Variants in MAPKAPK3 observed in about 807,000 individuals in gnomAD.
The protein encoded by MAPKAPK3 is MAPK activated protein kinase 3, also known as MAP kinase-activated protein kinase 3.
A neutral mutation model predicts 49.2 loss-of-function variants in MAPKAPK3; 35 were observed. The observed-to-expected ratio is 0.71, with a 90% CI of 0.54 to 0.94. The LOEUF (loss-of-function observed/expected upper bound fraction) is 0.94. Among genes scored for constraint, MAPKAPK3 ranks in the 40% least tolerant of loss-of-function variants. The pLI is 0.00. For synonymous variants in MAPKAPK3, 178 were observed against 188.7 expected (o/e 0.94, Z 0.46); for missense variants, 398 against 493.1 (o/e 0.81, Z 1.83).
chr3:50,626,089 T>A (rs1331567472), intron 2 of MAPKAPK3, among the ~76,000 whole-genome samples: 1 of 138,670 alleles, frequency 7.2e-6, no homozygotes, highest in Non-Finnish European at 1.6e-5. Context: ...CACCCCCCCA[T>A]GGCTTGTGTG....
chr3:50,640,911 G>C (rs1313458586), intron 3 of MAPKAPK3, among the ~76,000 whole-genome samples: 1 of 152,164 alleles, frequency 6.6e-6, no homozygotes. Flanking sequence ...CCAGGAACTG[G>C]GTGCTTGGGG....
intron 2 of MAPKAPK3, among the ~76,000 whole-genome samples, chr3:50,639,040 C>G (rs2033110321): frequency 1.3e-5 from 2 of 152,314 alleles, no homozygotes; most frequent in Admixed American, 6.5e-5. Flanking sequence ...TTCTTCTCCC[C>G]CTACAGCAGG....
chr3:50,612,019 G>A (rs1263889354), exon 1 of MAPKAPK3: 2 of 266,340 alleles, frequency 7.5e-6, no homozygotes, highest in African/African-American at 4.4e-5. Flanking sequence ...CCAGGAAAAC[G>A]GGGCGGGGCC....
chr3:50,616,807 A>C (rs931072622), upstream of MAPKAPK3, among the ~76,000 whole-genome samples: 5 of 152,092 alleles, frequency 3.3e-5, no homozygotes, highest in Admixed American at 3.3e-4. Context: ...CGTGCAGAGC[A>C]AACACCCGAC....
At chr3:50,626,462 G>T (rs2107579889) in intron 2 of MAPKAPK3, among the ~76,000 whole-genome samples, 1 of 152,246 alleles carries the variant, frequency 6.6e-6, no homozygotes, top group East Asian at 1.9e-4. Flanking sequence ...CTACATTCAG[G>T]GGCCTGAGGG....
chr3:50,644,417 C>G lies in MAPKAPK3; in HGVS notation c.513C>G (p.Asn171Lys). 1 of 1,614,168 alleles carries G rather than the reference C, an allele frequency of 6.2e-7. No individual in the cohort carries two copies. The highest frequency in any genetic ancestry group is 1.7e-5 in the Admixed American group (1 of 60,028). The stretch of plus-strand genomic sequence containing the variant: ...TTCTCTTTCTGGCCCAGCCTGAAAA[C>G]CTACTCTACACATCTAAGGAGAAAG... ...NIAHRDVKPE[N>K]LLYTSKEKDA... Residue 171 changes from asparagine (N) to lysine (K), a missense_variant, in exon 6 of 11, where the codon AAC becomes AAG. Asn to Lys is a moderately conservative substitution (Grantham distance 94). Coordinates refer to ENST00000621469, the MANE Select transcript of MAPKAPK3 (RefSeq NM_001243925.2).
chr3:50,630,642 G>A (rs1425303556), intron 2 of MAPKAPK3, among the ~76,000 whole-genome samples: 1 of 152,264 alleles, frequency 6.6e-6, no homozygotes, highest in Non-Finnish European at 1.5e-5. Context: ...CGTGGGCCAA[G>A]CTCTCGGAAG....
chr3:50,638,045 G>C (rs1424030802), intron 2 of MAPKAPK3, among the ~76,000 whole-genome samples: 12 of 152,326 alleles, frequency 7.9e-5, no homozygotes, highest in Non-Finnish European at 1.0e-4. Context: ...AGAGTCATAA[G>C]GGGAGAGGCA....
intron 2 of MAPKAPK3, 97 bp from the exon 3 acceptor site, chr3:50,640,269 G>C: frequency 8.3e-7 from 1 of 1,208,318 alleles, no homozygotes; most frequent in Non-Finnish European, 1.2e-6. Flanking sequence ...TGTGTGACCT[G>C]GGGCAGGTCA....
chr3:50,634,301 C>CTG (rs141415274), intron 2 of MAPKAPK3, among the ~76,000 whole-genome samples: 2 of 150,920 alleles, frequency 1.3e-5, no homozygotes, highest in Non-Finnish European at 3.0e-5. Flanking sequence ...ATGTGTACGT[C>CTG]TGTGTGTGTG....
At chr3:50,614,541 G>T (rs1003262974), upstream of MAPKAPK3, among the ~76,000 whole-genome samples, 2 of 149,366 alleles carry the variant, frequency 1.3e-5, no homozygotes, top group Non-Finnish European at 3.0e-5. Flanking sequence ...GTGTGTGTGT[G>T]TAGGATTTAG....
At chr3:50,644,643 G>C in intron 6 of MAPKAPK3, 111 bp downstream of exon 6, 1 of 1,190,060 alleles carries the variant, frequency 8.4e-7, no homozygotes, top group Non-Finnish European at 1.2e-6. Context: ...CAAGGAGGGA[G>C]GGGGAGAATT....
chr3:50,644,478 A>G lies in MAPKAPK3; in HGVS notation c.574A>G (p.Lys192Glu). 1 of 1,614,190 alleles carries G rather than the reference A, an allele frequency of 6.2e-7. No homozygotes were observed. The highest frequency in any genetic ancestry group is 8.5e-7 in the Non-Finnish European group (1 of 1,180,006). Residue 192 changes from lysine to glutamate, a missense_variant, in exon 6 of 11, where the codon AAG (lysine) becomes GAG (glutamate). Coordinates refer to ENST00000621469, the MANE Select transcript of MAPKAPK3 (RefSeq NM_001243925.2). ...TAAGCTCACCGATTTTGGCTTTGCT[A>G]AGGAGACCACCCAAAATGCCCTGCA... ...VLKLTDFGFAKETTQNALQTP... is the reference protein window; with the variant it reads ...VLKLTDFGFAEETTQNALQTP...
intron 2 of MAPKAPK3, among the ~76,000 whole-genome samples, chr3:50,635,196 G>A (rs903067232): frequency 3.5e-4 from 53 of 152,140 alleles, no homozygotes; most frequent in African/African-American, 1.2e-3. Context: ...AGAATAGTGT[G>A]GAGTCATGTA....
rs1432149629 is a variant in MAPKAPK3 at position 50,647,963 on chromosome 3, A to T, written c.1066A>T (p.Thr356Ser). 2 of 1,613,830 alleles carry T rather than the reference A, an allele frequency of 1.2e-6. No homozygotes were observed. Among genetic ancestry groups the T allele is most frequent in the Admixed American group, 3.3e-5 (2 of 60,004 alleles). ...YDQVKIKDLK[T>S]SNNRLLNKRR... ...CCAGGTGAAGATCAAGGACCTGAAG[A>T]CCTCTAACAACCGGCTCCTCAACAA... The change falls in exon 11 of 11, where the codon ACC becomes TCC. Residue 356 changes from threonine to serine, a missense_variant. Physicochemically the swap from Thr to Ser is moderately conservative, Grantham distance 58 (BLOSUM62 1). Transcript: ENST00000621469.
At chr3:50,635,406 C>CTTTTTTTTTTTTTT (rs386396609) in intron 2 of MAPKAPK3, among the ~76,000 whole-genome samples, 1 of 48,580 alleles carries the variant, frequency 2.1e-5, no homozygotes, top group African/African-American at 9.4e-5. Context: ...TCAATTTAAT[C>CTTTTTTTTTTTTTT]TTTTTTTTTT....
rs148878106 is a variant in MAPKAPK3, at chr3:50,646,440, A to T, written c.829+176A>T. On this transcript the variant is annotated intron_variant, in intron 8 of 10. Coordinates refer to ENST00000621469, the MANE Select transcript of MAPKAPK3 (RefSeq NM_001243925.2). ...TTGAGCCTCAGTTTCTACATCTGCC[A>T]AACAGGCTCAAAACTTGCCTCCTCA... Among the ~76,000 whole-genome samples, 122 of 152,310 alleles carry T rather than the reference A, an allele frequency of 8.0e-4. No individual in the cohort carries two copies. The highest frequency in any genetic ancestry group is 2.6e-3 in the Admixed American group (40 of 15,310).
At position 50,645,834 on chromosome 3, in the gene MAPKAPK3, C is replaced by T. The variant is rs774560348; in HGVS notation, c.704+49C>T. ...CCTCCATCTCCTGCCCTTACCCCCACTGTGAGCCCTCAGGACCACTTCTGT... is the reference window on the plus strand; with the variant it reads ...CCTCCATCTCCTGCCCTTACCCCCATTGTGAGCCCTCAGGACCACTTCTGT... On this transcript the variant is annotated intron_variant, in intron 7 of 10. Transcript: ENST00000621469. 1.9e-6 allele frequency: 3 copies of T among 1,563,182 alleles called. No individual in the cohort carries two copies. The Admixed American group carries it at 5.0e-5, about 26-fold the overall frequency.
intron 2 of MAPKAPK3, among the ~76,000 whole-genome samples, chr3:50,627,660 T>C (rs1182936752): frequency 6.6e-6 from 1 of 152,112 alleles, no homozygotes; most frequent in Non-Finnish European, 1.5e-5. Context: ...GCAGTGTCCC[T>C]CAGAGCTGCC....
Sources: gnomAD v4.1 joint callset for allele counts (sites outside exome capture counted in the v4.1 genomes callset) on GRCh38, gnomAD v4.1.1 for gene constraint, MANE v1.5 for transcripts, NCBI Gene and HGNC (gene_info 2026-07-23, HGNC 2026-07-21) for gene names.